The following NCKAP1 variants were observed in gnomAD, a reference collection of about 807,000 sequenced individuals.
The protein encoded by NCKAP1 is nck-associated protein 1.
A neutral mutation model predicts 151.2 loss-of-function variants in NCKAP1; 21 were observed. The observed-to-expected ratio is 0.14, with a 90% CI of 0.10 to 0.20. The LOEUF (loss-of-function observed/expected upper bound fraction) is 0.20. NCKAP1 is among the 10% of genes least tolerant of loss of function. The probability of loss-of-function intolerance (pLI) is 1.00; values close to 1 mark genes in which losing one functional copy is unlikely to be tolerated. For synonymous variants in NCKAP1, 484 were observed against 451.8 expected (o/e 1.07, Z -0.90); for missense variants, 933 against 1,352.1 (o/e 0.69, Z 4.86).
chr2:183,004,490 A>G (rs1046036970), intron 2 of NCKAP1, among the ~76,000 whole-genome samples: 7 of 104,612 alleles, frequency 6.7e-5, no homozygotes, highest in Non-Finnish European at 1.3e-4. Flanking sequence ...ACAGCAAGCA[A>G]AAAAAAAAAA....
chr2:182,981,331 A>C lies in NCKAP1; in HGVS notation c.1254T>G (p.His418Gln). 1 of 1,613,438 alleles carries C rather than the reference A, an allele frequency of 6.2e-7. No individual in the cohort carries two copies. Among genetic ancestry groups the C allele is most frequent in the Non-Finnish European group, 8.5e-7 (1 of 1,179,422 alleles). Residue 418 changes from histidine to glutamine, a missense_variant, in exon 13 of 31, where the codon CAT becomes CAG. His to Gln is a conservative substitution (Grantham distance 24). Transcript: ENST00000361354. ...GCATTACAGGTCCGTATTTCCTCAC[A>C]TGTGCTCTAAGTTCTTCCATGTAAA... ...LIFYMEELRA[H>Q]VRKYGPVMQR...
intron 1 of NCKAP1, among the ~76,000 whole-genome samples, chr2:183,033,099 A>G (rs1699037507): frequency 6.6e-6 from 1 of 152,176 alleles, no homozygotes; most frequent in East Asian, 1.9e-4. Context: ...CTAACATCAT[A>G]GTTTAGCCTA....
intron 24 of NCKAP1, among the ~76,000 whole-genome samples, chr2:182,939,936 C>T (rs530072924): frequency 6.6e-6 from 1 of 152,196 alleles, no homozygotes; most frequent in African/African-American, 2.4e-5. Context: ...TCCAAAATGG[C>T]CAATGAGTTA....
Position 182,912,002 on chromosome 2 carries a change from G to A in NCKAP1, c.*13700C>T, listed in dbSNP as rs1428844227. 6.6e-6 allele frequency: 1 copy of A among 152,040 alleles called. No individual in the cohort carries two copies. The highest frequency in any genetic ancestry group is 1.5e-5 in the Non-Finnish European group (1 of 68,014). The allele number at this position is 152,040 out of a possible 1,614,324, so 9.4% of individuals were successfully genotyped here. ...TTGGAGTAGGAAATGCAAACAAATC[G>A]GCAAATGGACTTAGCCCTTGAAAGC... On this transcript the variant is annotated 3_prime_UTR_variant, in exon 31 of 31. Coordinates refer to ENST00000361354, the MANE Select transcript of NCKAP1 (RefSeq NM_013436.5).
At position 182,952,849 on chromosome 2, in the gene NCKAP1, T is replaced by A; in HGVS notation, c.2447A>T (p.Asn816Ile). Residue 816 changes from asparagine to isoleucine, a missense_variant, in exon 22 of 31, where the codon AAC (asparagine) becomes ATC (isoleucine). By Grantham distance (149) the Asn-to-Ile change is moderately radical. Transcript: ENST00000361354. ...AYFPAMKAFV[N>I]LPTENELTFN... ...TGTTAATTCATTTTCTGTAGGTAAGTTCACAAACGCTTTCATTGCAGGAAA... is the reference window on the plus strand; with the variant it reads ...TGTTAATTCATTTTCTGTAGGTAAGATCACAAACGCTTTCATTGCAGGAAA... 6.2e-7 allele frequency: 1 copy of A among 1,612,158 alleles called. No homozygotes were observed. The highest frequency in any genetic ancestry group is 1.7e-5 in the Admixed American group (1 of 59,864).
At chr2:182,937,114 CAAAAAAAAAAA>C (rs67087110) in intron 24 of NCKAP1, among the ~76,000 whole-genome samples, 4 of 80,810 alleles carry the variant, frequency 4.9e-5, no homozygotes, top group African/African-American at 1.1e-4. Context: ...GACTGTCTCA[CAAAAAAAAAAA>C]AAAAAAAAAA....
At chr2:182,988,508 CAGATAA>C (rs1023535084) in intron 9 of NCKAP1, among the ~76,000 whole-genome samples, 1 of 152,020 alleles carries the variant, frequency 6.6e-6, no homozygotes, top group African/African-American at 2.4e-5. Flanking sequence ...AAACACATTT[CAGATAA>C]TTATTTGCTG....
intron 14 of NCKAP1, among the ~76,000 whole-genome samples, chr2:182,977,775 T>C (rs1697855826): frequency 6.6e-6 from 1 of 152,182 alleles, no homozygotes; most frequent in South Asian, 2.1e-4. Flanking sequence ...GAAAATGTTT[T>C]GGAGATTGGT....
chr2:182,929,037 TC>T (rs1444604309), intron 27 of NCKAP1, 138 bp from the exon 28 acceptor site: 8 of 574,684 alleles, frequency 1.4e-5, no homozygotes, highest in Non-Finnish European at 2.5e-5. Context: ...TTACTAGCAT[TC>T]TATAGAATTG....
rs1696396186 is a variant in NCKAP1 at position 182,911,595 on chromosome 2, A to G, written c.*14107T>C. 6.6e-6 allele frequency: 1 copy of G among 152,226 alleles called. No homozygotes were observed. The highest frequency in any genetic ancestry group is 1.5e-5 in the Non-Finnish European group (1 of 68,036). 9.4% of individuals were successfully genotyped at this position (152,226 alleles called of 1,614,324 possible). On this transcript the variant is annotated 3_prime_UTR_variant, in exon 31 of 31. Transcript: ENST00000361354. ...CAAATGTTAAATATTTCAGTCATCTATGAATGGCCATCATAATGATTTGAA... is the reference window on the plus strand; with the variant it reads ...CAAATGTTAAATATTTCAGTCATCTGTGAATGGCCATCATAATGATTTGAA...
chr2:183,012,643 A>G (rs1392620148), intron 2 of NCKAP1, among the ~76,000 whole-genome samples: 2 of 147,036 alleles, frequency 1.4e-5, no homozygotes, highest in Non-Finnish European at 3.0e-5. Flanking sequence ...TTTTTTAGAC[A>G]GAGTCTCACT....
intron 14 of NCKAP1, among the ~76,000 whole-genome samples, chr2:182,978,541 T>C (rs895554124): frequency 6.6e-6 from 1 of 152,190 alleles, no homozygotes; most frequent in African/African-American, 2.4e-5. Context: ...GCATTAAATA[T>C]TGTTATTGGT....
chr2:182,974,739 T>C (rs1697770772), intron 15 of NCKAP1, among the ~76,000 whole-genome samples: 1 of 152,088 alleles, frequency 6.6e-6, no homozygotes, highest in South Asian at 2.1e-4. Flanking sequence ...TATGAAATAA[T>C]ACATTTCTAT....
chr2:182,939,473 A>G (rs1015428132), intron 24 of NCKAP1, among the ~76,000 whole-genome samples: 5 of 152,184 alleles, frequency 3.3e-5, no homozygotes, highest in Non-Finnish European at 1.5e-5. Flanking sequence ...GGTTGCAGTG[A>G]GCTGAGACTG....
rs1409819641 is a variant in NCKAP1, at chr2:182,971,391, C to CT, written c.1483-4031dup. 9.1e-3 allele frequency among the ~76,000 whole-genome samples: 818 copies of CT among 89,614 alleles called. 13 individuals are homozygous for CT. The highest frequency in any genetic ancestry group is 0.031 in the African/African-American group (654 of 21,080). 58.8% of individuals were successfully genotyped at this position (89,614 alleles called of 152,430 possible). ...CCTGGGCGACAGAGCGAGACTCCGT[C>CT]TCAAAAAAAAAAAAAAAAAAAAAAA... On this transcript the variant is annotated intron_variant, in intron 15 of 30. Coordinates refer to ENST00000361354, the MANE Select transcript of NCKAP1 (RefSeq NM_013436.5).
chr2:183,024,219 T>C (rs1388352345), intron 1 of NCKAP1, among the ~76,000 whole-genome samples: 1 of 152,132 alleles, frequency 6.6e-6, no homozygotes, highest in Non-Finnish European at 1.5e-5. Context: ...TGAGGTAGGA[T>C]TGTATTCATC....
chr2:182,938,380 A>C (rs1169346204), intron 24 of NCKAP1, among the ~76,000 whole-genome samples: 9 of 152,194 alleles, frequency 5.9e-5, no homozygotes. Context: ...TTGGCAAATA[A>C]AGAAAATAAA....
intron 8 of NCKAP1, among the ~76,000 whole-genome samples, chr2:182,989,736 T>C (rs1698129793): frequency 6.7e-6 from 1 of 149,566 alleles, no homozygotes; most frequent in Non-Finnish European, 1.5e-5. Flanking sequence ...GGCCAGGTGC[T>C]CATGCCTGTA....
intron 13 of NCKAP1, among the ~76,000 whole-genome samples, chr2:182,980,179 C>G (rs1697908603): frequency 1.3e-5 from 2 of 151,600 alleles, no homozygotes; most frequent in African/African-American, 4.8e-5. Context: ...GCAATAATAC[C>G]CCAGGTTTTC....
Sources: allele counts gnomAD v4.1 joint callset (sites outside exome capture counted in the v4.1 genomes callset), GRCh38; gene constraint gnomAD v4.1.1; transcripts MANE v1.5; gene names NCBI Gene and HGNC (gene_info 2026-07-23, HGNC 2026-07-21).